ITGA8: variants seen among roughly 807,000 people sequenced by gnomAD.
The protein encoded by ITGA8 is integrin alpha-8.
A neutral mutation model predicts 142.3 loss-of-function variants in ITGA8; 91 were observed. The ratio of observed to expected loss-of-function variants is 0.64; its 90% CI spans 0.54 to 0.76. The LOEUF (loss-of-function observed/expected upper bound fraction) is 0.76, where lower values mean the gene tolerates loss of function less well. Ranked by LOEUF, ITGA8 falls within the 30% of genes least tolerant of loss-of-function variation. The pLI is 0.00. For missense variants in ITGA8, 1,406 were observed against 1,327.7 expected (o/e 1.06, Z -0.92); for synonymous variants, 505 against 485.2 (o/e 1.04, Z -0.54).
chr10:15,586,522 T>G (rs1327653375), intron 23 of ITGA8, 62 bp downstream of exon 23: 2 of 935,406 alleles, frequency 2.1e-6, no homozygotes, highest in African/African-American at 3.2e-5. Context: ...TCATTTTCAC[T>G]AGTATTTTAT....
intron 22 of ITGA8, among the ~76,000 whole-genome samples, chr10:15,586,960 G>T (rs995491185): frequency 1.3e-5 from 2 of 148,642 alleles, no homozygotes; most frequent in Admixed American, 6.7e-5. Context: ...GTCTCCCTCT[G>T]TTGCGAGGCT....
intron 11 of ITGA8, among the ~76,000 whole-genome samples, chr10:15,652,063 AT>A (rs1481437831): frequency 6.6e-6 from 1 of 152,256 alleles, no homozygotes; most frequent in African/African-American, 2.4e-5. Flanking sequence ...ATGCATAGCA[AT>A]TTTTAAGAAC....
At chr10:15,711,652 C>A (rs1445232305) in intron 2 of ITGA8, among the ~76,000 whole-genome samples, 2 of 151,746 alleles carry the variant, frequency 1.3e-5, no homozygotes, top group Non-Finnish European at 2.9e-5. Context: ...CCATCAACCT[C>A]CCCCCCAAAA....
intron 13 of ITGA8, among the ~76,000 whole-genome samples, chr10:15,628,132 T>C (rs1372872517): frequency 6.6e-6 from 1 of 151,944 alleles, no homozygotes; most frequent in African/African-American, 2.4e-5. Flanking sequence ...GTTCTCGGAA[T>C]TACCCACTCC....
Position 15,671,630 on chromosome 10 carries a change from C to A in ITGA8, c.820G>T (p.Gly274Trp). The change falls in exon 8 of 30, where the codon GGG becomes TGG. Residue 274 changes from glycine (G) to tryptophan (W), a missense_variant. Transcript: ENST00000378076. ...TGCTGAGAATCCCCAGTAAACTCCC[C>A]AGCAGCAACTGAGTATCCTGTTTTA... Reference protein sequence around the residue: ...DSYLGYSVAAGEFTGDSQQEL... With the variant: ...DSYLGYSVAAWEFTGDSQQEL... 6.2e-7 allele frequency: 1 copy of A among 1,612,676 alleles called. No individual in the cohort carries two copies. The highest frequency in any genetic ancestry group is 8.5e-7 in the Non-Finnish European group (1 of 1,178,888).
At chr10:15,643,342 C>T (rs1564388033) in intron 13 of ITGA8, among the ~76,000 whole-genome samples, 3 of 152,150 alleles carry the variant, frequency 2.0e-5, no homozygotes, top group Admixed American at 2.0e-4. Flanking sequence ...CTCAGTGGCT[C>T]GATCTTGGCT....
At chr10:15,676,098 C>T (rs1333376349) in intron 6 of ITGA8, among the ~76,000 whole-genome samples, 1 of 152,138 alleles carries the variant, frequency 6.6e-6, no homozygotes, top group Non-Finnish European at 1.5e-5. Flanking sequence ...CACCCAAGCT[C>T]TTCTTCCCTC....
chr10:15,661,885 A>G (rs547867532), intron 8 of ITGA8, among the ~76,000 whole-genome samples: 1 of 152,316 alleles, frequency 6.6e-6, no homozygotes, highest in South Asian at 2.1e-4. Context: ...TACCCTGTCC[A>G]GTTTTCAATA....
chr10:15,619,264 C>T (rs1360861217), intron 13 of ITGA8, among the ~76,000 whole-genome samples: 4 of 152,076 alleles, frequency 2.6e-5, no homozygotes, highest in Non-Finnish European at 5.9e-5. Context: ...CTGGGACAAC[C>T]CAACCTAAGA....
chr10:15,607,495 CA>C (rs1445005885), intron 17 of ITGA8, among the ~76,000 whole-genome samples, 181 bp downstream of exon 17: 1 of 152,150 alleles, frequency 6.6e-6, no homozygotes, highest in East Asian at 1.9e-4. Flanking sequence ...AACACATCAT[CA>C]GGTTAGTTGA....
intron 2 of ITGA8, among the ~76,000 whole-genome samples, chr10:15,693,498 T>G (rs1371698986): frequency 1.3e-5 from 2 of 152,206 alleles, no homozygotes; most frequent in Admixed American, 1.3e-4. Flanking sequence ...TTTCCAGATG[T>G]TTTTAAAAAA....
chr10:15,673,997 G>T (rs974513693), intron 6 of ITGA8, among the ~76,000 whole-genome samples: 1 of 149,134 alleles, frequency 6.7e-6, no homozygotes, highest in Non-Finnish European at 1.5e-5. Context: ...GAAGAAATGC[G>T]TTCAAAAGAC....
At chr10:15,575,897 T>C (rs1035909193) in intron 23 of ITGA8, among the ~76,000 whole-genome samples, 1 of 152,008 alleles carries the variant, frequency 6.6e-6, no homozygotes, top group African/African-American at 2.4e-5. Context: ...ACCAAACTTA[T>C]ACATATATAA....
chr10:15,579,559 AAAG>A (rs1348074839), intron 23 of ITGA8, among the ~76,000 whole-genome samples: 1 of 152,260 alleles, frequency 6.6e-6, no homozygotes, highest in Admixed American at 6.5e-5. Flanking sequence ...CACTAAGCTT[AAAG>A]AAGGAGACAA....
intron 3 of ITGA8, among the ~76,000 whole-genome samples, chr10:15,687,262 CT>C: frequency 6.6e-6 from 1 of 152,040 alleles, no homozygotes; most frequent in South Asian, 2.1e-4. Flanking sequence ...AAAGTTATTG[CT>C]TTATTGTTGT....
chr10:15,526,695 C>T (rs1833181307), intron 28 of ITGA8, among the ~76,000 whole-genome samples: 1 of 152,172 alleles, frequency 6.6e-6, no homozygotes, highest in East Asian at 1.9e-4. Flanking sequence ...TTTTATTTAT[C>T]AAGTACTTCT....
At chr10:15,558,015 T>C in intron 26 of ITGA8, 59 bp downstream of exon 26, 1 of 1,596,654 alleles carries the variant, frequency 6.3e-7, no homozygotes, top group Non-Finnish European at 8.6e-7. Context: ...TATCTGTATT[T>C]GAGGGTTCTA....
At chr10:15,565,573 A>ATTT (rs71374633) in intron 25 of ITGA8, among the ~76,000 whole-genome samples, 466 of 34,812 alleles carry the variant, frequency 0.013, 84 homozygotes, top group African/African-American at 0.016. Flanking sequence ...TCATGTCCTG[A>ATTT]TTTTTTTTTT....
intron 27 of ITGA8, among the ~76,000 whole-genome samples, chr10:15,538,466 C>G (rs1199990568): frequency 7.2e-6 from 1 of 139,742 alleles, no homozygotes; most frequent in Non-Finnish European, 1.5e-5. Context: ...GAGCTGAGAT[C>G]ATGCCACTGT....
Sources: gnomAD v4.1 joint callset for allele counts (sites outside exome capture counted in the v4.1 genomes callset) on GRCh38, gnomAD v4.1.1 for gene constraint, MANE v1.5 for transcripts, NCBI Gene and HGNC (gene_info 2026-07-23, HGNC 2026-07-21) for gene names.